Variants in LSG1 observed in about 807,000 individuals in gnomAD.
LSG1 encodes large subunit GTPase 1 homolog.
In LSG1, 55 loss-of-function variants were observed where a neutral mutation model predicts 82.6. The ratio of observed to expected loss-of-function variants is 0.67; its 90% CI spans 0.54 to 0.83. LSG1 has a LOEUF of 0.83. LSG1 is among the 40% of genes least tolerant of loss of function. The probability of loss-of-function intolerance (pLI) is 0.00; values close to 1 mark genes in which losing one functional copy is unlikely to be tolerated. For synonymous variants in LSG1, 272 were observed against 282.5 expected (o/e 0.96, Z 0.37); for missense variants, 809 against 807.9 (o/e 1.00, Z -0.02).
Position 194,644,680 on chromosome 3 carries a change from G to A in LSG1, c.1690C>T (p.Arg564Ter), listed in dbSNP as rs200437232. The A allele has an allele frequency of 2.5e-5, 41 of 1,609,806 alleles. No homozygotes were observed. The highest frequency in any genetic ancestry group is 7.8e-5 in the South Asian group (7 of 90,286). Residue 564 changes from arginine (R) to a stop codon, truncating the protein, a stop_gained, in exon 13 of 14, where the codon CGA (arginine) becomes TGA (stop). Transcript: ENST00000265245. LOFTEE classifies it high-confidence loss of function. ...CTGTTCATTTTGTTCTCTAGGAGTC[G>A]CTGGTGTTGATGCTGAAAAGTTACA... ...DPVTFQHQHQ[R>*]LLENKMNSDE...
Position 194,666,230 on chromosome 3 carries a change from A to C in LSG1, c.407T>G (p.Phe136Cys). Reference protein sequence around the residue: ...EELKQAEKDNFLEWRRQLVRL... With the variant: ...EELKQAEKDNCLEWRRQLVRL... The stretch of plus-strand genomic sequence containing the variant: ...GACAAGCTGACGTCTCCATTCTAGA[A>C]AGTTATCTTTCTCTGCTTGTTTGAG... Residue 136 changes from phenylalanine to cysteine, a missense_variant, in exon 4 of 14, where the codon TTT (phenylalanine) becomes TGT (cysteine). Physicochemically the swap from Phe to Cys is radical, Grantham distance 205 (BLOSUM62 -2). Transcript: ENST00000265245. 1 of 1,614,158 alleles carries C rather than the reference A, an allele frequency of 6.2e-7. No homozygotes were observed. The highest frequency in any genetic ancestry group is 1.3e-5 in the African/African-American group (1 of 75,058).
chr3:194,654,948 T>C (rs547648216), intron 7 of LSG1, among the ~76,000 whole-genome samples: 4 of 152,302 alleles, frequency 2.6e-5, no homozygotes, highest in South Asian at 2.1e-4. Flanking sequence ...TGAACAACTA[T>C]AGAAGATGAC....
At chr3:194,665,464 C>A in intron 5 of LSG1, 93 bp downstream of exon 5, 1 of 797,860 alleles carries the variant, frequency 1.3e-6, no homozygotes, top group Non-Finnish European at 2.1e-6. Context: ...AGCTTAATTC[C>A]CATACCCTGA....
intron 11 of LSG1, among the ~76,000 whole-genome samples, chr3:194,648,384 T>C (rs537420244): frequency 6.6e-6 from 1 of 152,126 alleles, no homozygotes; most frequent in South Asian, 2.1e-4. Flanking sequence ...CTTCCACACA[T>C]CCGCTTTCTT....
chr3:194,645,535 GACACACACAC>G lies in LSG1; in HGVS notation c.1623+619_1623+628del, dbSNP rs61447438. The G allele has an allele frequency of 7.4e-4, 26 of 34,962 alleles. 3 individuals carry two copies. The highest frequency in any genetic ancestry group is 1.4e-3 in the African/African-American group (15 of 10,418). 2.2% of individuals were successfully genotyped at this position (34,962 alleles called of 1,614,324 possible). A position where few individuals can be genotyped will look rare whatever the true frequency, so the allele number is the denominator to read the frequency against. ...ACACACACACACACACACACAGACA[GACACACACAC>G]ACACACACACACACACACACACACA... On this transcript the variant is annotated intron_variant, in intron 12 of 13. Transcript: ENST00000265245.
intron 5 of LSG1, among the ~76,000 whole-genome samples, 171 bp from the exon 6 acceptor site, chr3:194,660,304 A>C (rs1718900649): frequency 6.6e-6 from 1 of 152,236 alleles, no homozygotes. Flanking sequence ...TAAGGCTCAG[A>C]GCAGTTAAGT....
chr3:194,657,259 C>T (rs1024571491), intron 7 of LSG1, among the ~76,000 whole-genome samples: 9 of 151,438 alleles, frequency 5.9e-5, no homozygotes, highest in Non-Finnish European at 1.0e-4. Flanking sequence ...ATCCTTGGAC[C>T]TAGCCTGTTC....
At chr3:194,660,275 G>C (rs572475455) in intron 5 of LSG1, 142 bp from the exon 6 acceptor site, 2 of 685,902 alleles carry the variant, frequency 2.9e-6, no homozygotes, top group African/African-American at 3.6e-5. Flanking sequence ...AATTATTCCC[G>C]GTTTATATAT....
chr3:194,666,968 T>A (rs1719042698), intron 2 of LSG1, among the ~76,000 whole-genome samples: 1 of 152,230 alleles, frequency 6.6e-6, no homozygotes, highest in African/African-American at 2.4e-5. Flanking sequence ...GGAATCTGTA[T>A]GAAAGAGTTC....
At chr3:194,670,518 A>G (rs995884152) in intron 1 of LSG1, among the ~76,000 whole-genome samples, 8 of 152,204 alleles carry the variant, frequency 5.3e-5, no homozygotes, top group Non-Finnish European at 1.2e-4. Context: ...TAATCCCACA[A>G]TAAGAAATAC....
rs374386667 is a variant in LSG1, at chr3:194,672,107, T to C, written c.56A>G (p.His19Arg). 2.4e-5 allele frequency: 38 copies of C among 1,610,298 alleles called. No homozygotes were observed. In the African/African-American group the frequency reaches 3.1e-4, roughly 13 times the overall value. Residue 19 changes from histidine to arginine, a missense_variant, in exon 1 of 14, where the codon CAT (histidine) becomes CGT (arginine). Coordinates refer to ENST00000265245, the MANE Select transcript of LSG1 (RefSeq NM_018385.3). ...ATGGCTTCGGCTCCGCTGAGTCTGA[T>C]GGCGCATAAGGGCCCGTCCCAGCGA... ...GGSLGRALMR[H>R]QTQRSRSHRH... is the part of the protein sequence containing the mutation.
Position 194,641,394 on chromosome 3 carries a change from A to G in LSG1, c.*674T>C, listed in dbSNP as rs2108612998. 1 of 152,284 alleles carries G rather than the reference A, an allele frequency of 6.6e-6. No individual in the cohort carries two copies. The highest frequency in any genetic ancestry group is 2.1e-4 in the South Asian group (1 of 4,826). 9.4% of individuals were successfully genotyped at this position (152,284 alleles called of 1,614,324 possible). ...TTTGCTTATTCTGGACATTTTAAAT[A>G]AGTGGAATAACCAGTGAAGATGGGG... On this transcript the variant is annotated 3_prime_UTR_variant, in exon 14 of 14. Transcript: ENST00000265245.
chr3:194,670,238 T>C (rs2108623619), intron 1 of LSG1, 103 bp from the exon 2 acceptor site: 1 of 1,222,844 alleles, frequency 8.2e-7, no homozygotes, highest in East Asian at 2.4e-5. Flanking sequence ...TTGAGGGTGG[T>C]TGTAGTCCCT....
chr3:194,662,619 G>A lies in LSG1; in HGVS notation c.522-2486C>T, dbSNP rs369545307. Reference sequence around the variant, plus strand: ...CTCTACTAAAAATACAAAATTAGCCGGGCGTGGTGGCGCGTGCCTGTAATC... The same window carrying A: ...CTCTACTAAAAATACAAAATTAGCCAGGCGTGGTGGCGCGTGCCTGTAATC... On this transcript the variant is annotated intron_variant, in intron 5 of 13. Coordinates refer to ENST00000265245, the MANE Select transcript of LSG1 (RefSeq NM_018385.3). 1.9e-3 allele frequency among the ~76,000 whole-genome samples: 287 copies of A among 152,192 alleles called. 3 individuals are homozygous for A. The highest frequency in any genetic ancestry group is 6.4e-3 in the African/African-American group (264 of 41,536).
intron 5 of LSG1, among the ~76,000 whole-genome samples, chr3:194,661,834 C>A (rs536456525): frequency 1.9e-3 from 282 of 152,224 alleles, no homozygotes; most frequent in African/African-American, 5.7e-3. Flanking sequence ...AGAAATATCA[C>A]ATAACAAAAA....
Position 194,651,118 on chromosome 3 carries a change from A to C in LSG1, c.1272T>G (p.Phe424Leu). ...TGGCAAAGCACCACAGAAATACCTG[A>C]AAGTGCTTTGTGTGACCAGGTGTGG... is the stretch of plus-strand genomic sequence containing the variant. The part of the protein sequence containing the change: ...VSATPGHTKH[F>L]QTLYVEPGLC... Residue 424 changes from phenylalanine to leucine, a missense_variant, in exon 9 of 14, where the codon TTT (phenylalanine) becomes TTG (leucine). Phe to Leu is a conservative substitution (Grantham distance 22). Coordinates refer to ENST00000265245, the MANE Select transcript of LSG1 (RefSeq NM_018385.3). 1 of 1,614,190 alleles carries C rather than the reference A, an allele frequency of 6.2e-7. No homozygotes were observed. Among genetic ancestry groups the C allele is most frequent in the Non-Finnish European group, 8.5e-7 (1 of 1,179,994 alleles).
intron 6 of LSG1, 83 bp from the exon 7 acceptor site, chr3:194,659,216 G>GT (rs1718872067): frequency 1.9e-6 from 2 of 1,071,856 alleles, no homozygotes; most frequent in Non-Finnish European, 2.7e-6. Flanking sequence ...CCCAATACAA[G>GT]TTTTTACTGC....
At chr3:194,661,153 G>T (rs1232428268) in intron 5 of LSG1, among the ~76,000 whole-genome samples, 1 of 152,184 alleles carries the variant, frequency 6.6e-6, no homozygotes, top group Non-Finnish European at 1.5e-5. Context: ...TTTCTTTTAG[G>T]ATAGTTAAAA....
In LSG1 at chr3:194,648,607, T is replaced by G; in HGVS notation, c.1543+74A>C. On this transcript the variant is annotated intron_variant, in intron 11 of 13. Transcript: ENST00000265245. ...CTTTGCAGAACAGCAATTCTAGTACTATTACTATTCTTATTTCTATTCATT... is the reference window on the plus strand; with the variant it reads ...CTTTGCAGAACAGCAATTCTAGTACGATTACTATTCTTATTTCTATTCATT... 4 of 1,436,428 alleles carry G rather than the reference T, an allele frequency of 2.8e-6. No individual in the cohort carries two copies. In the South Asian group the frequency reaches 4.9e-5, roughly 18 times the overall value. The allele number at this position is 1,436,428 out of a possible 1,614,324, so 89.0% of individuals were successfully genotyped here.
Sources: allele counts gnomAD v4.1 joint callset (sites outside exome capture counted in the v4.1 genomes callset), GRCh38; gene constraint gnomAD v4.1.1; transcripts MANE v1.5; gene names NCBI Gene and HGNC (gene_info 2026-07-23, HGNC 2026-07-21).